Variants in TBCK observed in about 807,000 individuals in gnomAD.
TBCK encodes TBC domain-containing protein kinase-like protein.
TBCK carries 99 observed loss-of-function variants against 113.4 expected under a neutral mutation model. The observed-to-expected ratio is 0.87, with a 90% CI of 0.74 to 1.03. The LOEUF is 1.03. TBCK is among the 50% of genes least tolerant of loss of function. The pLI is 0.00. For synonymous variants in TBCK, 369 were observed against 370.8 expected (o/e 1.00, Z 0.05); for missense variants, 1,045 against 1,061.3 (o/e 0.98, Z 0.21).
rs114079291 is a variant in TBCK at position 106,306,216 on chromosome 4, C to G, written c.193+2552G>C. 7.4e-3 allele frequency among the ~76,000 whole-genome samples: 1,071 copies of G among 144,090 alleles called. 4 individuals are homozygous for G. Among genetic ancestry groups the G allele is most frequent in the Non-Finnish European group, 0.011 (744 of 66,204 alleles). The allele number at this position is 144,090 out of a possible 152,430, so 94.5% of individuals were successfully genotyped here. On this transcript the variant is annotated intron_variant, in intron 2 of 25. Coordinates refer to ENST00000394708, the MANE Select transcript of TBCK (RefSeq NM_001163435.3). The stretch of plus-strand genomic sequence containing the variant: ...TCCTGAATAGCTAGGACTACAGGAA[C>G]AAGACACCATGCCTGGCTAATTTTT...
chr4:106,313,325 G>C (rs989370240), intron 1 of TBCK, among the ~76,000 whole-genome samples: 1 of 151,662 alleles, frequency 6.6e-6, no homozygotes, highest in African/African-American at 2.4e-5. Flanking sequence ...ATCACGTGAG[G>C]TCAGGAGTTT....
In TBCK at chr4:106,137,824, G is replaced by A. The variant is rs1221675515; in HGVS notation, c.2236-21446C>T. ...GTGATTAGAGACTTTATGCTAAAAC[G>A]TTCACAGATGTACTCTGGAAAAATT... On this transcript the variant is annotated intron_variant, in intron 23 of 25. Transcript: ENST00000394708. Among the ~76,000 whole-genome samples, 11 of 140,110 alleles carry A rather than the reference G, an allele frequency of 7.9e-5. 1 individual carries two copies. In the East Asian group the frequency reaches 2.2e-3, roughly 28 times the overall value. 91.9% of individuals were successfully genotyped at this position (140,110 alleles called of 152,430 possible). A position where few individuals can be genotyped will look rare whatever the true frequency, so the allele number is the denominator to read the frequency against.
intron 19 of TBCK, among the ~76,000 whole-genome samples, chr4:106,220,489 C>T (rs1450738386): frequency 6.6e-6 from 1 of 151,896 alleles, no homozygotes; most frequent in Non-Finnish European, 1.5e-5. Context: ...TATAAGCAAA[C>T]ATCTTACATG....
intron 25 of TBCK, among the ~76,000 whole-genome samples, chr4:106,078,091 GA>G (rs770491476): frequency 2.0e-3 from 308 of 152,208 alleles, no homozygotes; most frequent in Non-Finnish European, 3.6e-3. Flanking sequence ...TATTTGAAAT[GA>G]ATGAAAACAG....
intron 12 of TBCK, among the ~76,000 whole-genome samples, chr4:106,241,203 C>A (rs1386969894): frequency 6.6e-6 from 1 of 151,520 alleles, no homozygotes; most frequent in Non-Finnish European, 1.5e-5. Context: ...AGAAATAAAT[C>A]TGATAACTGA....
chr4:106,158,654 T>A (rs898241427), intron 23 of TBCK, among the ~76,000 whole-genome samples: 5 of 152,048 alleles, frequency 3.3e-5, no homozygotes, highest in African/African-American at 1.2e-4. Context: ...ATTGAATCAG[T>A]AATAAAAAAT....
chr4:106,306,236 ATTTT>A (rs60417567), intron 2 of TBCK, among the ~76,000 whole-genome samples: 1 of 97,324 alleles, frequency 1.0e-5, no homozygotes, highest in Non-Finnish European at 2.0e-5. Flanking sequence ...TGCCTGGCTA[ATTTT>A]TTTTTTTTTT....
Position 106,236,728 on chromosome 4 carries a change from A to C in TBCK, c.1220+31T>G, listed in dbSNP as rs1189315707. 4 of 1,295,974 alleles carry C rather than the reference A, an allele frequency of 3.1e-6. No homozygotes were observed. The South Asian group carries it at 7.4e-5, about 24-fold the overall frequency. 80.3% of individuals were successfully genotyped at this position (1,295,974 alleles called of 1,614,324 possible). Reference sequence around the variant, plus strand: ...AAATCTAATATAAATAGAAAGAAAAATAAATCTAAAATGAGACTACATATA... The same window carrying C: ...AAATCTAATATAAATAGAAAGAAAACTAAATCTAAAATGAGACTACATATA... On this transcript the variant is annotated intron_variant, in intron 13 of 25. Transcript: ENST00000394708.
At chr4:106,293,932 T>C (rs550979079) in intron 3 of TBCK, among the ~76,000 whole-genome samples, 1 of 152,298 alleles carries the variant, frequency 6.6e-6, no homozygotes, top group South Asian at 2.1e-4. Flanking sequence ...AATTTTAAGG[T>C]CACTTCGGGA....
At chr4:106,150,849 T>C (rs562545980) in intron 23 of TBCK, among the ~76,000 whole-genome samples, 4 of 152,052 alleles carry the variant, frequency 2.6e-5, no homozygotes, top group African/African-American at 7.2e-5. Context: ...TTAACACTAG[T>C]ATAACCTTTT....
intron 23 of TBCK, among the ~76,000 whole-genome samples, chr4:106,120,158 C>A (rs868601474): frequency 6.6e-6 from 1 of 152,146 alleles, no homozygotes; most frequent in Non-Finnish European, 1.5e-5. Flanking sequence ...ACTGGGGAAG[C>A]GCAAGGGGTC....
At chr4:106,117,655 C>A (rs1037485323) in intron 23 of TBCK, among the ~76,000 whole-genome samples, 9 of 152,158 alleles carry the variant, frequency 5.9e-5, no homozygotes, top group Non-Finnish European at 8.8e-5. Flanking sequence ...CAACTAAATT[C>A]AACATAAATT....
intron 1 of TBCK, among the ~76,000 whole-genome samples, chr4:106,309,735 T>C (rs1220594123): frequency 1.3e-5 from 2 of 152,204 alleles, no homozygotes; most frequent in South Asian, 2.1e-4. Flanking sequence ...ACCTTATTAA[T>C]AGTAGTAAAG....
rs1040224569 is a variant in TBCK, at chr4:106,271,789, T to G, written c.267-9577A>C. Among the ~76,000 whole-genome samples, 15 of 151,974 alleles carry G rather than the reference T, an allele frequency of 9.9e-5. No homozygotes were observed. In the East Asian group the frequency reaches 2.9e-3, roughly 29 times the overall value. ...AAACAAAACAAAAAAACAACTGTTC[T>G]TAAGTTGTATAAGTCAGTATCTCAT... On this transcript the variant is annotated intron_variant, in intron 3 of 25. Transcript: ENST00000394708.
rs193021716 is a variant in TBCK at position 106,249,555 on chromosome 4, C to T, written c.659-573G>A. On this transcript the variant is annotated intron_variant, in intron 7 of 25. Coordinates refer to ENST00000394708, the MANE Select transcript of TBCK (RefSeq NM_001163435.3). ...ATGTAAACAGCGCTTTTTAAGAAGG[C>T]TTTGTAGTTTTGTTTTGTTTTTTCA... is the stretch of plus-strand genomic sequence containing the variant. Among the ~76,000 whole-genome samples, 245 of 152,100 alleles carry T rather than the reference C, an allele frequency of 1.6e-3. 2 individuals carry two copies. The highest frequency in any genetic ancestry group is 5.6e-3 in the African/African-American group (232 of 41,510).
chr4:106,089,037 C>CTTT (rs59250305), intron 25 of TBCK, among the ~76,000 whole-genome samples: 1 of 147,186 alleles, frequency 6.8e-6, no homozygotes, highest in Admixed American at 6.7e-5. Flanking sequence ...TACATGTATC[C>CTTT]TTTTTTTTTT....
chr4:106,043,387 T>C lies in TBCK; in HGVS notation c.*3183A>G, dbSNP rs867084233. On this transcript the variant is annotated 3_prime_UTR_variant, in exon 26 of 26. Transcript: ENST00000394708. ...TCAGGTACCAGATAAGTTTGGCAGT[T>C]GAAAAAAATTACCACAGGTTATTTT... 3 of 152,128 alleles carry C rather than the reference T, an allele frequency of 2.0e-5. No individual in the cohort carries two copies. The highest frequency in any genetic ancestry group is 4.4e-5 in the Non-Finnish European group (3 of 68,012). The allele number at this position is 152,128 out of a possible 1,614,324, so 9.4% of individuals were successfully genotyped here.
At chr4:106,100,724 T>A (rs1049656020) in intron 24 of TBCK, among the ~76,000 whole-genome samples, 10 of 152,204 alleles carry the variant, frequency 6.6e-5, no homozygotes, top group Admixed American at 1.3e-4. Context: ...TTAAGTTTCT[T>A]ACTGCCTTTG....
chr4:106,271,264 A>C (rs957125423), intron 3 of TBCK, among the ~76,000 whole-genome samples: 1 of 152,166 alleles, frequency 6.6e-6, no homozygotes, highest in Non-Finnish European at 1.5e-5. Flanking sequence ...TATCCATATA[A>C]TCCCATAATG....
Sources: allele counts gnomAD v4.1 joint callset (sites outside exome capture counted in the v4.1 genomes callset), GRCh38; gene constraint gnomAD v4.1.1; transcripts MANE v1.5; gene names NCBI Gene and HGNC (gene_info 2026-07-23, HGNC 2026-07-21).